Variants in EEA1 observed in about 807,000 individuals in gnomAD.
EEA1 encodes the protein early endosome antigen 1, 162kD.
EEA1 carries 111 observed loss-of-function variants against 209.2 expected under a neutral mutation model. The observed-to-expected ratio is 0.53, with a 90% CI of 0.45 to 0.62. The LOEUF (loss-of-function observed/expected upper bound fraction) is 0.62, where lower values mean the gene tolerates loss of function less well. EEA1 is among the 20% of genes least tolerant of loss of function. The pLI is 0.00. For missense variants in EEA1, 1,343 were observed against 1,530.8 expected (o/e 0.88, Z 2.05); for synonymous variants, 536 against 540.6 (o/e 0.99, Z 0.12).
chr12:92,829,505 G>A (rs537472232), intron 11 of EEA1, among the ~76,000 whole-genome samples: 38 of 152,046 alleles, frequency 2.5e-4, no homozygotes, highest in East Asian at 1.7e-3. Flanking sequence ...CTGGCTGGGC[G>A]CGGTGGCTCA....
At chr12:92,784,334 C>G (rs1422746354) in intron 22 of EEA1, among the ~76,000 whole-genome samples, 3 of 152,116 alleles carry the variant, frequency 2.0e-5, no homozygotes, top group Non-Finnish European at 4.4e-5. Flanking sequence ...ACAGAAGGCT[C>G]TATACCACAT....
rs531823200 is a variant in EEA1, at chr12:92,858,587, G to A, written c.246-1102C>T. ...CTTAAAGCCAAACTGGCAGAACTAC[G>A]CCATAATGGCACTTTGCCTGGGTTA... On this transcript the variant is annotated intron_variant, in intron 3 of 28. Transcript: ENST00000322349. 4.0e-4 allele frequency: 301 copies of A among 745,994 alleles called. 3 individuals are homozygous for A. Among genetic ancestry groups the A allele is most frequent in the South Asian group, 1.6e-3 (116 of 71,350 alleles). 46.2% of individuals were successfully genotyped at this position (745,994 alleles called of 1,614,324 possible).
intron 14 of EEA1, 137 bp downstream of exon 14, chr12:92,819,171 G>A (rs1875931519): frequency 1.5e-6 from 1 of 685,458 alleles, no homozygotes; most frequent in African/African-American, 1.8e-5. Context: ...TACATGAGAT[G>A]CTATTTGGCA....
intron 2 of EEA1, chr12:92,884,228 G>A: frequency 2.0e-6 from 3 of 1,517,366 alleles, no homozygotes; most frequent in Non-Finnish European, 2.7e-6. Flanking sequence ...TGTAACCTTT[G>A]ACGACCATGA....
At chr12:92,858,943 G>T in intron 3 of EEA1, 1 of 700,414 alleles carries the variant, frequency 1.4e-6, no homozygotes. Flanking sequence ...TTGAGGAAAG[G>T]ATTATACTAA....
At chr12:92,923,249 G>A (rs1012661782) in intron 1 of EEA1, among the ~76,000 whole-genome samples, 5 of 152,144 alleles carry the variant, frequency 3.3e-5, no homozygotes, top group Admixed American at 1.3e-4. Flanking sequence ...TCGGGAGGCT[G>A]AGGCAGGAGA....
chr12:92,824,295 T>C (rs1292013046), intron 13 of EEA1, among the ~76,000 whole-genome samples: 1 of 152,242 alleles, frequency 6.6e-6, no homozygotes, highest in Non-Finnish European at 1.5e-5. Flanking sequence ...GTCTGGATTA[T>C]TGTAGTAGCC....
intron 1 of EEA1, among the ~76,000 whole-genome samples, chr12:92,925,369 G>C (rs545737802): frequency 3.9e-5 from 6 of 152,008 alleles, no homozygotes; most frequent in Non-Finnish European, 7.4e-5. Context: ...CGTGCACCAC[G>C]ATGCCCGGCT....
At chr12:92,797,647 T>C (rs117857084) in intron 21 of EEA1, among the ~76,000 whole-genome samples, 4,800 of 152,288 alleles carry the variant, frequency 0.032, 115 homozygotes, top group Middle Eastern at 0.065. Context: ...AATATTTGGA[T>C]ACAAGGCTAG....
intron 1 of EEA1, among the ~76,000 whole-genome samples, chr12:92,894,158 C>T (rs1455814096): frequency 2.6e-5 from 4 of 152,152 alleles, no homozygotes; most frequent in African/African-American, 9.7e-5. Flanking sequence ...TGAGGCACTA[C>T]AACCCATACC....
chr12:92,786,905 C>T (rs986616411), intron 22 of EEA1, among the ~76,000 whole-genome samples: 14 of 152,250 alleles, frequency 9.2e-5, no homozygotes, highest in African/African-American at 3.1e-4. Flanking sequence ...TAAACTAGTA[C>T]GCCAGCAAGG....
At chr12:92,779,469 A>C (rs1197121266) in intron 24 of EEA1, among the ~76,000 whole-genome samples, 169 bp from the exon 25 acceptor site, 2 of 152,180 alleles carry the variant, frequency 1.3e-5, no homozygotes, top group Non-Finnish European at 2.9e-5. Context: ...ACAAGATTAT[A>C]GTATGTCTTG....
chr12:92,889,799 A>G (rs1592760487), intron 2 of EEA1, among the ~76,000 whole-genome samples: 1 of 152,184 alleles, frequency 6.6e-6, no homozygotes, highest in Non-Finnish European at 1.5e-5. Context: ...CTGTAATCCC[A>G]GTTACTCAGG....
At chr12:92,803,685 C>A (rs139481096) in intron 18 of EEA1, among the ~76,000 whole-genome samples, 1 of 151,978 alleles carries the variant, frequency 6.6e-6, no homozygotes, top group African/African-American at 2.4e-5. Flanking sequence ...TTTTTTAGTT[C>A]TAGAAACACA....
chr12:92,906,595 G>A (rs898170890), intron 1 of EEA1, among the ~76,000 whole-genome samples: 20 of 152,232 alleles, frequency 1.3e-4, no homozygotes, highest in East Asian at 7.7e-4. Flanking sequence ...GGCGGATCAC[G>A]AGGTCAGGAG....
chr12:92,822,391 G>C (rs984934553), intron 13 of EEA1, among the ~76,000 whole-genome samples: 4 of 152,008 alleles, frequency 2.6e-5, no homozygotes, highest in Non-Finnish European at 5.9e-5. Context: ...TCGACAATCA[G>C]ATTTTCATCT....
chr12:92,902,757 A>G (rs913909686), intron 1 of EEA1, among the ~76,000 whole-genome samples: 3 of 150,822 alleles, frequency 2.0e-5, no homozygotes, highest in Non-Finnish European at 4.4e-5. Context: ...AAAAAAAAAA[A>G]AGGCTGTAAA....
chr12:92,851,982 A>G (rs954530416), intron 8 of EEA1, among the ~76,000 whole-genome samples, 193 bp downstream of exon 8: 1 of 152,176 alleles, frequency 6.6e-6, no homozygotes, highest in Non-Finnish European at 1.5e-5. Context: ...GTAGTAAGTT[A>G]CGTATCATAA....
Position 92,775,846 on chromosome 12 carries a change from G to A in EEA1, c.*165C>T, listed in dbSNP as rs879117430. ...GATAAGCCCAAGTCTCACAAAAATA[G>A]AAGAGTTTTACTTGATATCCATAAC... On this transcript the variant is annotated 3_prime_UTR_variant, in exon 29 of 29. Transcript: ENST00000322349. The A allele has an allele frequency of 1.6e-5, 9 of 575,844 alleles. No individual in the cohort carries two copies. The highest frequency in any genetic ancestry group is 9.1e-4 in the Middle Eastern group (2 of 2,208). 35.7% of individuals were successfully genotyped at this position (575,844 alleles called of 1,614,324 possible). A position where few individuals can be genotyped will look rare whatever the true frequency, so the allele number is the denominator to read the frequency against.
Sources: gnomAD v4.1 joint callset for allele counts (sites outside exome capture counted in the v4.1 genomes callset) on GRCh38, gnomAD v4.1.1 for gene constraint, MANE v1.5 for transcripts, NCBI Gene and HGNC (gene_info 2026-07-23, HGNC 2026-07-21) for gene names.